Variants in TARS3 observed in about 807,000 individuals in gnomAD.
The protein encoded by TARS3 is threonine--tRNA ligase 2, cytoplasmic.
In TARS3, 94 loss-of-function variants were observed where a neutral mutation model predicts 103.5. The observed-to-expected ratio is 0.91, with a 90% confidence interval of 0.77 to 1.08. The LOEUF (loss-of-function observed/expected upper bound fraction) is 1.08, where lower values mean the gene tolerates loss of function less well. Ranked by LOEUF, TARS3 falls within the 50% of genes least tolerant of loss-of-function variation. The pLI is 0.00. For synonymous variants in TARS3, 416 were observed against 355.4 expected (o/e 1.17, Z -1.92); for missense variants, 952 against 995.2 (o/e 0.96, Z 0.58).
chr15:101,656,103 ACTC>A, intron 18 of TARS3: 1 of 1,244,204 alleles, frequency 8.0e-7, no homozygotes, highest in Non-Finnish European at 1.1e-6. Context: ...GGGGAGAAAT[ACTC>A]CTGGTGAGGG....
intron 12 of TARS3, among the ~76,000 whole-genome samples, chr15:101,680,899 C>T (rs1463025578): frequency 6.6e-6 from 1 of 152,052 alleles, no homozygotes; most frequent in Admixed American, 6.5e-5. Context: ...CAAAGATTTT[C>T]CCCAATTTTT....
At chr15:101,656,212 G>C (rs1596276443) in intron 18 of TARS3, among the ~76,000 whole-genome samples, 2 of 152,316 alleles carry the variant, frequency 1.3e-5, no homozygotes, top group South Asian at 4.1e-4. Flanking sequence ...TGCTGTCTTT[G>C]TCTAAACCAA....
chr15:101,724,154 C>T lies in TARS3; in HGVS notation c.234G>A (p.Glu78=), dbSNP rs1183652748. ...LCSLRLCLAE[E]RSRQATLESA... The stretch of plus-strand genomic sequence containing the variant: ...TCTCCAGCGTGGCCTGGCGGCTCCG[C>T]TCCTCGGCGAGGCACAGCCGCAGGC... Residue 78 remains glutamate, a synonymous_variant, in exon 1 of 19, where the codon GAG becomes GAA. Coordinates refer to ENST00000335968, the MANE Select transcript of TARS3 (RefSeq NM_152334.3). 35 of 1,472,180 alleles carry T rather than the reference C, an allele frequency of 2.4e-5. No individual in the cohort carries two copies. Among genetic ancestry groups the T allele is most frequent in the Non-Finnish European group, 2.9e-5 (32 of 1,113,156 alleles). The allele number at this position is 1,472,180 out of a possible 1,614,324, so 91.2% of individuals were successfully genotyped here.
In TARS3 at chr15:101,721,158, T is replaced by C; in HGVS notation, c.534A>G (p.Lys178=). 1 of 1,603,112 alleles carries C rather than the reference T, an allele frequency of 6.2e-7. No individual in the cohort carries two copies. Among genetic ancestry groups the C allele is most frequent in the Non-Finnish European group, 8.5e-7 (1 of 1,170,934 alleles). ...CAGCAGCCACTTGGTAAGGCGTTGT[T>C]TTCCAGACTTCCCCTTGCACTGTTT... The part of the protein sequence containing the change: ...DGQTVQGEVW[K]TTPYQVAAEI... Residue 178 remains lysine (K), a synonymous_variant, in exon 3 of 19, where the codon AAA becomes AAG. Transcript: ENST00000335968.
chr15:101,712,147 G>C, intron 4 of TARS3, 146 bp from the exon 5 acceptor site: 1 of 836,290 alleles, frequency 1.2e-6, no homozygotes, highest in Non-Finnish European at 1.8e-6. Flanking sequence ...GAAAATCTTC[G>C]ATGCCCACTT....
chr15:101,655,655 G>A (rs542171404), intron 18 of TARS3, among the ~76,000 whole-genome samples: 22 of 146,272 alleles, frequency 1.5e-4, no homozygotes, highest in Admixed American at 6.7e-4. Flanking sequence ...AAATGAGAGC[G>A]GGGAGCTCTT....
At chr15:101,715,032 G>C in intron 3 of TARS3, 69 bp from the exon 4 acceptor site, 2 of 1,355,216 alleles carry the variant, frequency 1.5e-6, no homozygotes, top group Non-Finnish European at 9.8e-7. Context: ...AATATTAAAA[G>C]AATTTCTAGG....
At position 101,706,447 on chromosome 15, in the gene TARS3, G is replaced by C. The variant is rs1302534246; in HGVS notation, c.931-700C>G. Among the ~76,000 whole-genome samples the C allele has an allele frequency of 3.9e-5, 6 of 152,106 alleles. No homozygotes were observed. The East Asian group carries it at 1.2e-3, about 29-fold the overall frequency. On this transcript the variant is annotated intron_variant, in intron 6 of 18. Coordinates refer to ENST00000335968, the MANE Select transcript of TARS3 (RefSeq NM_152334.3). Reference sequence around the variant, plus strand: ...TTTTTATATATTGGGTTAAAAATTTGTTAAAATTAATTGCAACTTTTACTT... The same window carrying C: ...TTTTTATATATTGGGTTAAAAATTTCTTAAAATTAATTGCAACTTTTACTT...
At chr15:101,723,602 G>A (rs1451742943) in intron 1 of TARS3, among the ~76,000 whole-genome samples, 1 of 151,946 alleles carries the variant, frequency 6.6e-6, no homozygotes, top group Non-Finnish European at 1.5e-5. Context: ...ATAAAATACT[G>A]TATTAAATAA....
intron 15 of TARS3, among the ~76,000 whole-genome samples, chr15:101,669,656 ATACCT>A (rs1306556680): frequency 6.6e-6 from 1 of 152,204 alleles, no homozygotes; most frequent in Non-Finnish European, 1.5e-5. Flanking sequence ...TGATACACAA[ATACCT>A]TACCACTGTG....
At chr15:101,682,798 A>G (rs1898306786) in intron 12 of TARS3, among the ~76,000 whole-genome samples, 1 of 152,180 alleles carries the variant, frequency 6.6e-6, no homozygotes, top group South Asian at 2.1e-4. Flanking sequence ...TTTAACTATC[A>G]ATTCAATTTC....
At chr15:101,701,340 A>G (rs998079288) in intron 9 of TARS3, among the ~76,000 whole-genome samples, 156 bp from the exon 10 acceptor site, 2 of 152,266 alleles carry the variant, frequency 1.3e-5, no homozygotes, top group Admixed American at 6.5e-5. Context: ...CAGCATATGT[A>G]AAATTTCCAA....
At chr15:101,673,824 T>C (rs1348584479) in intron 13 of TARS3, among the ~76,000 whole-genome samples, 1 of 152,224 alleles carries the variant, frequency 6.6e-6, no homozygotes, top group Non-Finnish European at 1.5e-5. Context: ...AAACTGCTTC[T>C]GTGCAGCCTC....
At chr15:101,684,033 T>A (rs1327938942) in intron 12 of TARS3, 42 bp downstream of exon 12, 2 of 1,584,668 alleles carry the variant, frequency 1.3e-6, no homozygotes, top group Non-Finnish European at 1.7e-6. Context: ...GGCATCACAC[T>A]CAATTTGTGA....
At chr15:101,684,340 CCTT>C in intron 11 of TARS3, 103 bp from the exon 12 acceptor site, 1 of 1,161,910 alleles carries the variant, frequency 8.6e-7, no homozygotes, top group Admixed American at 3.1e-5. Context: ...TTCATAAACT[CCTT>C]ATTCTAGTTC....
At chr15:101,716,207 G>A (rs1163974223) in intron 3 of TARS3, among the ~76,000 whole-genome samples, 1 of 151,970 alleles carries the variant, frequency 6.6e-6, no homozygotes, top group African/African-American at 2.4e-5. Flanking sequence ...AGTAGAGATG[G>A]GGTTTCACCA....
intron 13 of TARS3, among the ~76,000 whole-genome samples, chr15:101,674,995 A>G (rs1302353511): frequency 6.6e-6 from 1 of 152,126 alleles, no homozygotes; most frequent in Non-Finnish European, 1.5e-5. Flanking sequence ...ACTAACAGGC[A>G]GAGCAGGGTG....
intron 6 of TARS3, among the ~76,000 whole-genome samples, chr15:101,706,712 A>G (rs75957468): frequency 1.1e-4 from 16 of 152,288 alleles, no homozygotes; most frequent in African/African-American, 2.2e-4. Context: ...TTCTGCTTCC[A>G]TCACTACTAT....
At position 101,686,334 on chromosome 15, in the gene TARS3, T is replaced by G. The variant is rs962288187; in HGVS notation, c.1321-272A>C. Among the ~76,000 whole-genome samples the G allele has an allele frequency of 8.5e-5, 13 of 152,284 alleles. No individual in the cohort carries two copies. In the South Asian group the frequency reaches 2.3e-3, roughly 27 times the overall value. On this transcript the variant is annotated intron_variant, in intron 10 of 18. Transcript: ENST00000335968. ...GTTCTTTGAAAAGTAGTAATTGAAA[T>G]ACAATATATATAGAAACTCACTGTA...
Sources: gnomAD v4.1 joint callset for allele counts (sites outside exome capture counted in the v4.1 genomes callset) on GRCh38, gnomAD v4.1.1 for gene constraint, MANE v1.5 for transcripts, NCBI Gene and HGNC (gene_info 2026-07-23, HGNC 2026-07-21) for gene names.